Variants in PREX2 observed in about 807,000 individuals in gnomAD.
PREX2 encodes phosphatidylinositol 3,4,5-trisphosphate-dependent Rac exchanger 2 protein.
A neutral mutation model predicts 203.2 loss-of-function variants in PREX2; 107 were observed. That is an observed-to-expected ratio of 0.53 (90% CI 0.45 to 0.62). The LOEUF (loss-of-function observed/expected upper bound fraction) is 0.62, where lower values mean the gene tolerates loss of function less well. Among genes scored for constraint, PREX2 ranks in the 20% least tolerant of loss-of-function variants. PREX2 has a pLI of 0.00. For synonymous variants in PREX2, 672 were observed against 663.6 expected, an observed-to-expected ratio of 1.01 and a Z score of -0.19; for missense variants, 1,777 against 1,955.9, an observed-to-expected ratio of 0.91 and a Z score of 1.72.
intron 35 of PREX2, among the ~76,000 whole-genome samples, chr8:68,185,590 C>G (rs541269865): frequency 2.6e-5 from 4 of 152,230 alleles, no homozygotes; most frequent in African/African-American, 9.6e-5. Context: ...TATTTGTCTT[C>G]TTGATTAGAT....
At chr8:67,956,045 A>C (rs1420367172) in intron 1 of PREX2, among the ~76,000 whole-genome samples, 2 of 152,216 alleles carry the variant, frequency 1.3e-5, no homozygotes, top group African/African-American at 4.8e-5. Context: ...GATAGGTTAC[A>C]CTATCTAGAT....
chr8:68,077,794 A>G (rs1440005173), intron 15 of PREX2, among the ~76,000 whole-genome samples: 1 of 152,186 alleles, frequency 6.6e-6, no homozygotes, highest in East Asian at 1.9e-4. Flanking sequence ...CTTTGAGACT[A>G]TTTCAGATTA....
chr8:67,979,260 T>G (rs1806199116), intron 1 of PREX2, among the ~76,000 whole-genome samples: 1 of 152,330 alleles, frequency 6.6e-6, no homozygotes, highest in Non-Finnish European at 1.5e-5. Context: ...GGCACTATTC[T>G]TCTTTTGTTG....
chr8:68,157,789 C>G (rs1174883725), intron 35 of PREX2, among the ~76,000 whole-genome samples: 2 of 151,894 alleles, frequency 1.3e-5, no homozygotes, highest in African/African-American at 4.8e-5. Context: ...ACAGGTTTCT[C>G]TATGTACCAC....
At chr8:68,171,518 G>A (rs1585843394) in intron 35 of PREX2, among the ~76,000 whole-genome samples, 1 of 152,072 alleles carries the variant, frequency 6.6e-6, no homozygotes, top group South Asian at 2.1e-4. Context: ...CCTGAAATGC[G>A]ATGAATATGA....
At position 68,058,072 on chromosome 8, in the gene PREX2, G is replaced by A. The variant is rs146664896; in HGVS notation, c.1238+2098G>A. Among the ~76,000 whole-genome samples the A allele has an allele frequency of 3.3e-5, 5 of 152,296 alleles. No homozygotes were observed. In the East Asian group the frequency reaches 7.7e-4, roughly 24 times the overall value. On this transcript the variant is annotated intron_variant, in intron 10 of 39. Coordinates refer to ENST00000288368, the MANE Select transcript of PREX2 (RefSeq NM_024870.4). ...ACAGCACACTACTGCCGCTTACAGCGCAAGTTTGAGATCATTTCTGAGTGG... is the reference window on the plus strand; with the variant it reads ...ACAGCACACTACTGCCGCTTACAGCACAAGTTTGAGATCATTTCTGAGTGG...
At chr8:68,202,932 A>G (rs550090376) in intron 37 of PREX2, among the ~76,000 whole-genome samples, 11 of 152,042 alleles carry the variant, frequency 7.2e-5, no homozygotes, top group Non-Finnish European at 1.5e-4. Flanking sequence ...TACCGGTCAC[A>G]CTCCTTGGAG....
chr8:68,161,282 A>T (rs2129614003), intron 35 of PREX2, among the ~76,000 whole-genome samples: 1 of 151,994 alleles, frequency 6.6e-6, no homozygotes, highest in East Asian at 1.9e-4. Flanking sequence ...TTTAGTAGAG[A>T]TGGGGTTTCA....
chr8:68,167,912 C>T (rs1469645914), intron 35 of PREX2, among the ~76,000 whole-genome samples: 1 of 152,182 alleles, frequency 6.6e-6, no homozygotes, highest in African/African-American at 2.4e-5. Flanking sequence ...CAAGCATCAT[C>T]TGTATCATCT....
In PREX2 at chr8:68,093,664, A is replaced by G. The variant is rs1809962937; in HGVS notation, c.2310A>G (p.Lys770=). Residue 770 remains lysine, a synonymous_variant, in exon 21 of 40, where the codon AAA becomes AAG. Transcript: ENST00000288368. The part of the protein sequence containing the change: ...SIESAQEDLQ[K]SHSKPPGDEA... ...AGAGTGCTCAAGAAGACCTTCAAAA[A>G]TCTCACTCCAAGCCCCCTGGAGATG... 1 of 1,612,206 alleles carries G rather than the reference A, an allele frequency of 6.2e-7. No homozygotes were observed. The highest frequency in any genetic ancestry group is 8.5e-7 in the Non-Finnish European group (1 of 1,178,558).
At chr8:67,954,534 C>T (rs1805439330) in intron 1 of PREX2, among the ~76,000 whole-genome samples, 1 of 152,130 alleles carries the variant, frequency 6.6e-6, no homozygotes. Flanking sequence ...AACCCTTTGG[C>T]CTGGTAATTC....
chr8:68,170,123 CAT>C (rs1193274101), intron 35 of PREX2, among the ~76,000 whole-genome samples: 5 of 152,108 alleles, frequency 3.3e-5, no homozygotes, highest in Admixed American at 2.6e-4. Flanking sequence ...GCACTCAAGT[CAT>C]AGGAATAAGC....
At chr8:68,007,598 C>T (rs1024327033) in intron 1 of PREX2, among the ~76,000 whole-genome samples, 5 of 152,120 alleles carry the variant, frequency 3.3e-5, no homozygotes, top group South Asian at 2.1e-4. Context: ...CATTGACACT[C>T]GATGTACCAG....
intron 28 of PREX2, among the ~76,000 whole-genome samples, chr8:68,119,774 AT>A (rs113191686): frequency 0.023 from 3,547 of 151,030 alleles, 118 homozygotes; most frequent in African/African-American, 0.073. Context: ...CCTTTTTAGT[AT>A]TTTTTTTTGT....
chr8:68,031,385 G>C (rs182152102), intron 6 of PREX2, among the ~76,000 whole-genome samples: 1 of 152,084 alleles, frequency 6.6e-6, no homozygotes, highest in Admixed American at 6.6e-5. Context: ...TATAAAGTAA[G>C]CAATTAAGAT....
At chr8:68,017,148 TG>T (rs1807430323) in intron 1 of PREX2, among the ~76,000 whole-genome samples, 1 of 152,182 alleles carries the variant, frequency 6.6e-6, no homozygotes, top group African/African-American at 2.4e-5. Context: ...AATAATAGCC[TG>T]TTTAGCCATT....
intron 35 of PREX2, among the ~76,000 whole-genome samples, chr8:68,186,002 G>C (rs1812181335): frequency 7.7e-6 from 1 of 130,032 alleles, no homozygotes; most frequent in Non-Finnish European, 1.7e-5. Context: ...ATTTGATTAA[G>C]GAGCATTGCA....
chr8:68,021,319 G>T (rs1256015480), intron 3 of PREX2, among the ~76,000 whole-genome samples: 5 of 152,106 alleles, frequency 3.3e-5, no homozygotes, highest in African/African-American at 1.2e-4. Flanking sequence ...AGCTACATAG[G>T]ACTGTCAGTC....
intron 35 of PREX2, among the ~76,000 whole-genome samples, chr8:68,159,814 TA>T (rs1811619419): frequency 6.6e-6 from 1 of 152,202 alleles, no homozygotes; most frequent in Non-Finnish European, 1.5e-5. Flanking sequence ...TGAATTTATA[TA>T]AACAACTACA....
Sources: allele counts gnomAD v4.1 joint callset (sites outside exome capture counted in the v4.1 genomes callset), GRCh38; gene constraint gnomAD v4.1.1; transcripts MANE v1.5; gene names NCBI Gene and HGNC (gene_info 2026-07-23, HGNC 2026-07-21).